TOX: variants seen among roughly 807,000 people sequenced by gnomAD.
The protein encoded by TOX is thymocyte selection-associated high mobility group box protein TOX.
TOX carries 11 observed loss-of-function variants against 53.7 expected under a neutral mutation model. The observed-to-expected ratio is 0.20, with a 90% confidence interval of 0.13 to 0.34. The LOEUF is 0.34. TOX is among the 10% of genes least tolerant of loss of function. The pLI, the probability that TOX is intolerant of heterozygous loss-of-function variation, is 1.00. For synonymous variants in TOX, 225 were observed against 245.3 expected, an observed-to-expected ratio of 0.92 and a Z score of 0.77; for missense variants, 570 against 664.6, an observed-to-expected ratio of 0.86 and a Z score of 1.56.
intron 1 of TOX, among the ~76,000 whole-genome samples, chr8:58,992,340 T>C (rs1319852711): frequency 6.6e-6 from 1 of 152,196 alleles, no homozygotes; most frequent in African/African-American, 2.4e-5. Flanking sequence ...TAGAAATGCA[T>C]CAATGATTTC....
chr8:58,824,613 A>T (rs1274518052), intron 6 of TOX, among the ~76,000 whole-genome samples: 1 of 152,166 alleles, frequency 6.6e-6, no homozygotes, highest in Non-Finnish European at 1.5e-5. Context: ...CCCAGATCCA[A>T]TGTCACCTCT....
At chr8:59,061,487 G>A (rs1160912739) in intron 1 of TOX, among the ~76,000 whole-genome samples, 2 of 152,030 alleles carry the variant, frequency 1.3e-5, no homozygotes, top group Non-Finnish European at 2.9e-5. Context: ...TCTCTGTGAT[G>A]GCCTCTTCGG....
chr8:58,880,097 C>T (rs1168158207), intron 3 of TOX, among the ~76,000 whole-genome samples: 1 of 152,150 alleles, frequency 6.6e-6, no homozygotes, highest in African/African-American at 2.4e-5. Flanking sequence ...TCCGTAGCTA[C>T]TAATCTAGAA....
intron 7 of TOX, among the ~76,000 whole-genome samples, chr8:58,813,220 T>C (rs1285149802): frequency 2.0e-5 from 3 of 152,336 alleles, no homozygotes; most frequent in African/African-American, 7.2e-5. Flanking sequence ...AAATCTGAAA[T>C]ATTTGAAAAC....
chr8:58,870,175 T>C (rs1471192833), intron 3 of TOX, among the ~76,000 whole-genome samples: 4 of 151,664 alleles, frequency 2.6e-5, no homozygotes, highest in African/African-American at 7.3e-5. Context: ...ATGTAGAAAA[T>C]CCCAAAGAAT....
rs1810164056 is a variant in TOX at position 58,815,675 on chromosome 8, A to T, written c.1055T>A (p.Ile352Asn). 1 of 1,613,958 alleles carries T rather than the reference A, an allele frequency of 6.2e-7. No homozygotes were observed. The highest frequency in any genetic ancestry group is 8.5e-7 in the Non-Finnish European group (1 of 1,179,960). ...ATGGAACACCGACGGCTTCGAATTGATCAGCTGAGGAGGTTGAGATGTCTT... is the reference window on the plus strand; with the variant it reads ...ATGGAACACCGACGGCTTCGAATTGTTCAGCTGAGGAGGTTGAGATGTCTT... ...DVKTSQPPQL[I>N]NSKPSVFHGP... Residue 352 changes from isoleucine to asparagine, a missense_variant, in exon 7 of 9, where the codon ATC becomes AAC. Physicochemically the swap from Ile to Asn is moderately radical, Grantham distance 149. Around this residue, in one of 3 missense-constraint regions of TOX, gnomAD observed 239 missense variants for 250.7 expected, o/e 0.95. Coordinates refer to ENST00000361421, the MANE Select transcript of TOX (RefSeq NM_014729.3).
intron 1 of TOX, among the ~76,000 whole-genome samples, chr8:59,036,053 C>T (rs548989896): frequency 6.6e-6 from 1 of 152,314 alleles, no homozygotes; most frequent in Non-Finnish European, 1.5e-5. Flanking sequence ...GCATTTGCCT[C>T]TCATCAGCAC....
At chr8:58,940,387 G>A (rs1227473395) in intron 2 of TOX, among the ~76,000 whole-genome samples, 1 of 151,442 alleles carries the variant, frequency 6.6e-6, no homozygotes, top group African/African-American at 2.4e-5. Context: ...TAGAAAGGGA[G>A]GGAGGGGAAC....
chr8:58,884,499 G>C (rs1032540810), intron 3 of TOX, among the ~76,000 whole-genome samples: 8 of 152,088 alleles, frequency 5.3e-5, no homozygotes, highest in African/African-American at 1.2e-4. Context: ...TCTGCAAAAT[G>C]ATTTATAAGT....
At chr8:58,998,112 T>C (rs553457665) in intron 1 of TOX, among the ~76,000 whole-genome samples, 1 of 152,252 alleles carries the variant, frequency 6.6e-6, no homozygotes, top group Admixed American at 6.5e-5. Flanking sequence ...TCAGATGTAA[T>C]ATTTTTCTCA....
At chr8:59,053,384 C>G (rs964913973) in intron 1 of TOX, among the ~76,000 whole-genome samples, 1 of 152,148 alleles carries the variant, frequency 6.6e-6, no homozygotes, top group Non-Finnish European at 1.5e-5. Context: ...TCTACGGCAA[C>G]CTTGCGCTCA....
chr8:59,019,466 T>C (rs529818693), intron 1 of TOX, among the ~76,000 whole-genome samples: 1 of 152,238 alleles, frequency 6.6e-6, no homozygotes, highest in African/African-American at 2.4e-5. Context: ...AATAGTGTAA[T>C]GGAAACAGAC....
In TOX at chr8:58,904,305, T is replaced by C. The variant is rs567565339; in HGVS notation, c.411+34997A>G. 5.5e-5 allele frequency among the ~76,000 whole-genome samples: 8 copies of C among 145,988 alleles called. No individual in the cohort carries two copies. The East Asian group carries it at 1.4e-3, about 25-fold the overall frequency. Reference sequence around the variant, plus strand: ...AACACTGTGATTGTAGACGACATATTTTTTTTTTTGTTCGTTTATGGCTTC... The same window carrying C: ...AACACTGTGATTGTAGACGACATATCTTTTTTTTTGTTCGTTTATGGCTTC... On this transcript the variant is annotated intron_variant, in intron 3 of 8. Coordinates refer to ENST00000361421, the MANE Select transcript of TOX (RefSeq NM_014729.3).
chr8:58,901,392 T>C (rs1231928334), intron 3 of TOX, among the ~76,000 whole-genome samples: 1 of 152,176 alleles, frequency 6.6e-6, no homozygotes, highest in Non-Finnish European at 1.5e-5. Context: ...CCATAATTCA[T>C]AGTACCTTTT....
At chr8:58,991,918 A>C (rs1315420935) in intron 1 of TOX, 1 of 152,266 alleles carries the variant, frequency 6.6e-6, no homozygotes, top group Non-Finnish European at 1.5e-5. Flanking sequence ...CCTGGCTGTC[A>C]GGCAGCCCGC....
At chr8:58,832,551 G>C (rs1267967265) in intron 5 of TOX, among the ~76,000 whole-genome samples, 1 of 152,156 alleles carries the variant, frequency 6.6e-6, no homozygotes, top group East Asian at 1.9e-4. Flanking sequence ...GTGGGTGTCT[G>C]AGCACCAATG....
intron 3 of TOX, among the ~76,000 whole-genome samples, chr8:58,852,452 T>C (rs1810840195): frequency 6.6e-6 from 1 of 152,180 alleles, no homozygotes; most frequent in African/African-American, 2.4e-5. Flanking sequence ...GCTCTAAAAT[T>C]GCAAGGTCAA....
At chr8:59,113,647 G>A (rs1005579559) in intron 1 of TOX, among the ~76,000 whole-genome samples, 5 of 152,156 alleles carry the variant, frequency 3.3e-5, no homozygotes, top group Middle Eastern at 3.2e-3. Flanking sequence ...CAGATTAGAA[G>A]TACAGACCTC....
intron 3 of TOX, among the ~76,000 whole-genome samples, chr8:58,913,171 A>G (rs977819715): frequency 1.3e-5 from 2 of 152,118 alleles, no homozygotes; most frequent in Non-Finnish European, 2.9e-5. Flanking sequence ...AATGAAGTTG[A>G]AATATTTGGT....
Sources: gnomAD v4.1 joint callset for allele counts (sites outside exome capture counted in the v4.1 genomes callset) on GRCh38, gnomAD v4.1.1 for gene constraint, gnomAD v4.1.1 regional missense constraint, MANE v1.5 for transcripts, NCBI Gene and HGNC (gene_info 2026-07-23, HGNC 2026-07-21) for gene names.